Variants in PPP3CA observed in about 807,000 individuals in gnomAD.
PPP3CA encodes the protein protein phosphatase 3 catalytic subunit alpha, also known as CAM-PRP catalytic subunit.
A neutral mutation model predicts 66.5 loss-of-function variants in PPP3CA; 14 were observed. The ratio of observed to expected loss-of-function variants is 0.21; its 90% CI spans 0.14 to 0.33. PPP3CA has a LOEUF of 0.33. PPP3CA is among the 10% of genes least tolerant of loss of function. The pLI is 1.00. For missense variants in PPP3CA, 317 were observed against 639.5 expected, an observed-to-expected ratio of 0.50 and a Z score of 5.44; for synonymous variants, 232 against 226.2, an observed-to-expected ratio of 1.03 and a Z score of -0.23.
chr4:101,346,554 G>A (rs1259851815), intron 1 of PPP3CA, among the ~76,000 whole-genome samples, 185 bp downstream of exon 1: 2 of 152,110 alleles, frequency 1.3e-5, no homozygotes, highest in Non-Finnish European at 2.9e-5. Flanking sequence ...GACGCGTGGG[G>A]GAAGGGCGCC....
intron 2 of PPP3CA, among the ~76,000 whole-genome samples, chr4:101,141,168 G>A (rs369423453): frequency 2.2e-4 from 33 of 152,144 alleles, no homozygotes; most frequent in East Asian, 9.7e-4. Context: ...TCAGGAGTTC[G>A]AGATCAGCCT....
chr4:101,035,185 C>T (rs1458810714), intron 11 of PPP3CA, among the ~76,000 whole-genome samples: 2 of 152,150 alleles, frequency 1.3e-5, no homozygotes, highest in Non-Finnish European at 2.9e-5. Flanking sequence ...ATGAGAATTG[C>T]TCGAACCCAG....
chr4:101,112,137 T>C (rs1172093774), intron 2 of PPP3CA, among the ~76,000 whole-genome samples: 2 of 152,088 alleles, frequency 1.3e-5, no homozygotes, highest in Non-Finnish European at 2.9e-5. Flanking sequence ...GGTTAGGCAT[T>C]AAGCAGTTAT....
intron 2 of PPP3CA, among the ~76,000 whole-genome samples, chr4:101,180,525 T>C (rs1417578180): frequency 3.3e-5 from 5 of 152,156 alleles, no homozygotes; most frequent in African/African-American, 1.2e-4. Context: ...CTATTATTTA[T>C]AATTGTATGC....
At chr4:101,257,982 TA>T (rs1408069109) in intron 1 of PPP3CA, among the ~76,000 whole-genome samples, 1 of 151,946 alleles carries the variant, frequency 6.6e-6, no homozygotes, top group Non-Finnish European at 1.5e-5. Flanking sequence ...CAGGGAAACG[TA>T]AAAAAATTCC....
chr4:101,265,295 G>C (rs1179789286), intron 1 of PPP3CA, among the ~76,000 whole-genome samples: 1 of 151,940 alleles, frequency 6.6e-6, no homozygotes, highest in Non-Finnish European at 1.5e-5. Flanking sequence ...TATTTGTAGA[G>C]ACAGGGTCTT....
At position 101,180,523 on chromosome 4, in the gene PPP3CA, T is replaced by C. The variant is rs1724200758; in HGVS notation, c.259+15393A>G. 2.0e-5 allele frequency among the ~76,000 whole-genome samples: 3 copies of C among 152,158 alleles called. No homozygotes were observed. In the South Asian group the frequency reaches 6.2e-4, roughly 32 times the overall value. ...CAGTTAAGTTGTATTTCCTATTATT[T>C]ATAATTGTATGCCTTAAATTTATTC... On this transcript the variant is annotated intron_variant, in intron 2 of 13. Transcript: ENST00000394854.
At chr4:101,274,778 T>C (rs1727437634) in intron 1 of PPP3CA, among the ~76,000 whole-genome samples, 1 of 152,184 alleles carries the variant, frequency 6.6e-6, no homozygotes, top group African/African-American at 2.4e-5. Context: ...AAATCTAGTA[T>C]ATGTAATTCA....
At chr4:101,340,946 T>G (rs1401310910) in intron 1 of PPP3CA, among the ~76,000 whole-genome samples, 1 of 152,096 alleles carries the variant, frequency 6.6e-6, no homozygotes, top group Non-Finnish European at 1.5e-5. Context: ...GAGAGTATAC[T>G]ATTCTATTTC....
At chr4:101,150,139 TAGAA>T (rs936203683) in intron 2 of PPP3CA, among the ~76,000 whole-genome samples, 8 of 152,008 alleles carry the variant, frequency 5.3e-5, no homozygotes, top group Admixed American at 1.3e-4. Context: ...AAGACTGAAA[TAGAA>T]GGAATAAAAT....
At chr4:101,112,276 G>C (rs1358986180) in intron 2 of PPP3CA, among the ~76,000 whole-genome samples, 1 of 152,024 alleles carries the variant, frequency 6.6e-6, no homozygotes, top group Non-Finnish European at 1.5e-5. Context: ...CATGAATTTA[G>C]TTTTACAAAA....
At chr4:101,175,911 C>T (rs1453722874) in intron 2 of PPP3CA, among the ~76,000 whole-genome samples, 2 of 152,104 alleles carry the variant, frequency 1.3e-5, no homozygotes, top group Non-Finnish European at 2.9e-5. Flanking sequence ...ACAGGAAATA[C>T]AGAATGGATA....
chr4:101,304,753 T>G (rs954764316), intron 1 of PPP3CA, among the ~76,000 whole-genome samples: 1 of 152,206 alleles, frequency 6.6e-6, no homozygotes, highest in African/African-American at 2.4e-5. Context: ...TTCTATTCAA[T>G]TATTTATCAA....
rs113761482 is a variant in PPP3CA at position 101,297,282 on chromosome 4, G to A, written c.58+49457C>T. Among the ~76,000 whole-genome samples, 1,413 of 152,144 alleles carry A rather than the reference G, an allele frequency of 9.3e-3. 14 individuals are homozygous for A. The highest frequency in any genetic ancestry group is 0.014 in the Middle Eastern group (4 of 294). On this transcript the variant is annotated intron_variant, in intron 1 of 13. Transcript: ENST00000394854. ...ATGAAAATAAATATTATCTCTCTTC[G>A]CACTGTGCCTAGCACGTAGTAAGTA...
At position 101,300,591 on chromosome 4, in the gene PPP3CA, T is replaced by TAA. The variant is rs145857144; in HGVS notation, c.58+46147_58+46148insTT. 1.7e-4 allele frequency among the ~76,000 whole-genome samples: 26 copies of TAA among 152,132 alleles called. No individual in the cohort carries two copies. In the East Asian group the frequency reaches 5.0e-3, roughly 29 times the overall value. ...AGGTGGATCACTTGATGCCAGGAGTTCAAGACCAACCTGGCCAACACGGTG... is the reference window on the plus strand; with the variant it reads ...AGGTGGATCACTTGATGCCAGGAGTTAACAAGACCAACCTGGCCAACACGGTG... On this transcript the variant is annotated intron_variant, in intron 1 of 13. Transcript: ENST00000394854.
At chr4:101,346,628 G>A in intron 1 of PPP3CA, 111 bp downstream of exon 1, 2 of 925,360 alleles carry the variant, frequency 2.2e-6, no homozygotes, top group Non-Finnish European at 3.3e-6. Context: ...CGCGGCTGGA[G>A]CGGACAGAGG....
At chr4:101,038,855 A>G (rs112685712) in intron 11 of PPP3CA, among the ~76,000 whole-genome samples, 9 of 152,282 alleles carry the variant, frequency 5.9e-5, no homozygotes, top group African/African-American at 2.2e-4. Context: ...ATTATAGAAA[A>G]ACAATAATAT....
In PPP3CA at chr4:101,324,153, G is replaced by GAA. The variant is rs1370058053; in HGVS notation, c.58+22585_58+22586insTT. Among the ~76,000 whole-genome samples, 149 of 109,326 alleles carry GAA rather than the reference G, an allele frequency of 1.4e-3. 5 individuals carry two copies. The highest frequency in any genetic ancestry group is 0.011 in the East Asian group (47 of 4,414). The allele number at this position is 109,326 out of a possible 152,430, so 71.7% of individuals were successfully genotyped here. A position where few individuals can be genotyped will look rare whatever the true frequency, so the allele number is the denominator to read the frequency against. Reference sequence around the variant, plus strand: ...AAGGGAAGGAAGGGAAGGAAGGGAGGGAGGAAGGAAGGAAGGAAGGAAGGA... The same window carrying GAA: ...AAGGGAAGGAAGGGAAGGAAGGGAGGAAGAGGAAGGAAGGAAGGAAGGAAGGA... On this transcript the variant is annotated intron_variant, in intron 1 of 13. Transcript: ENST00000394854.
rs1278698475 is a variant in PPP3CA at position 101,336,639 on chromosome 4, CAGGTA to C, written c.58+10095_58+10099del. Among the ~76,000 whole-genome samples, 3 of 146,768 alleles carry C rather than the reference CAGGTA, an allele frequency of 2.0e-5. No individual in the cohort carries two copies. The East Asian group carries it at 6.0e-4, about 29-fold the overall frequency. ...AGCAAATGAGCTCTCTGGAGGCAAA[CAGGTA>C]AGACTTATTCTATGGAATTCTGTAG... On this transcript the variant is annotated intron_variant, in intron 1 of 13. Transcript: ENST00000394854.
Sources: allele counts gnomAD v4.1 joint callset (sites outside exome capture counted in the v4.1 genomes callset), GRCh38; gene constraint gnomAD v4.1.1; transcripts MANE v1.5; gene names NCBI Gene and HGNC (gene_info 2026-07-23, HGNC 2026-07-21).